The following CCNY variants were observed in gnomAD, a reference collection of about 807,000 sequenced individuals.
The protein encoded by CCNY is cyclin-Y.
A neutral mutation model predicts 42.8 loss-of-function variants in CCNY; 19 were observed. The observed-to-expected ratio is 0.44, with a 90% CI of 0.31 to 0.65. CCNY has a LOEUF of 0.65. Among genes scored for constraint, CCNY ranks in the 30% least tolerant of loss-of-function variants. CCNY has a pLI of 0.07. For missense variants in CCNY, 370 were observed against 437.3 expected (o/e 0.85, Z 1.37); for synonymous variants, 165 against 162.7 (o/e 1.01, Z -0.11).
intron 1 of CCNY, among the ~76,000 whole-genome samples, chr10:35,378,096 G>A (rs1290140716): frequency 1.3e-5 from 2 of 152,210 alleles, no homozygotes; most frequent in Non-Finnish European, 2.9e-5. Context: ...AATCATTTAT[G>A]TTAAAGTTTA....
rs180952611 is a variant in CCNY, at chr10:35,404,929, G to A, written c.154+67722G>A. The stretch of plus-strand genomic sequence containing the variant: ...GATGGGTATCAGGGTCAGTCCAAGT[G>A]AAAGCGAAGAGAGGCTGGTATGAAG... On this transcript the variant is annotated intron_variant, in intron 1 of 9. Transcript: ENST00000374704. 5.4e-4 allele frequency among the ~76,000 whole-genome samples: 82 copies of A among 152,304 alleles called. No individual in the cohort carries two copies. The East Asian group carries it at 0.012, about 22-fold the overall frequency.
intron 3 of CCNY, among the ~76,000 whole-genome samples, chr10:35,264,181 C>T (rs1167424860): frequency 1.3e-5 from 2 of 151,996 alleles, no homozygotes; most frequent in African/African-American, 4.8e-5. Context: ...ATTTATATTC[C>T]TTTGGGTATA....
At chr10:35,402,358 G>T (rs1837662956) in intron 1 of CCNY, among the ~76,000 whole-genome samples, 3 of 152,190 alleles carry the variant, frequency 2.0e-5, no homozygotes, top group Admixed American at 2.0e-4. Context: ...TAAGAATTGG[G>T]AGTACCCAGG....
At chr10:35,559,332 G>A (rs1311336720) in intron 8 of CCNY, among the ~76,000 whole-genome samples, 2 of 152,180 alleles carry the variant, frequency 1.3e-5, no homozygotes, top group Non-Finnish European at 2.9e-5. Flanking sequence ...GGATGTTTTA[G>A]CCAAGGAGAT....
At chr10:35,352,666 G>A (rs1000030286) in intron 1 of CCNY, among the ~76,000 whole-genome samples, 3 of 152,214 alleles carry the variant, frequency 2.0e-5, no homozygotes, top group African/African-American at 7.2e-5. Flanking sequence ...TGCGCTTAAG[G>A]ACATAATGAT....
intron 1 of CCNY, among the ~76,000 whole-genome samples, chr10:35,359,578 C>T (rs879110): frequency 0.29 from 43,708 of 151,614 alleles, 6,581 homozygotes; most frequent in Admixed American, 0.35. Flanking sequence ...TGAGCTGAAG[C>T]GATCTGCGCG....
At chr10:35,393,548 G>A (rs1276467424) in intron 1 of CCNY, among the ~76,000 whole-genome samples, 7 of 152,208 alleles carry the variant, frequency 4.6e-5, no homozygotes, top group Admixed American at 4.6e-4. Flanking sequence ...GAAGGCTGGT[G>A]TTGACCTGAA....
At chr10:35,332,532 A>T (rs1835957540), upstream of CCNY, 1 of 152,186 alleles carries the variant, frequency 6.6e-6, no homozygotes, top group Non-Finnish European at 1.5e-5. Context: ...GTTCCACAGA[A>T]AATTTTGTTT....
intron 1 of CCNY, among the ~76,000 whole-genome samples, chr10:35,376,169 G>A (rs1292270595): frequency 2.0e-5 from 3 of 152,134 alleles, no homozygotes; most frequent in Non-Finnish European, 2.9e-5. Context: ...TTGGTCACAG[G>A]ACACCATGTA....
chr10:35,517,760 A>G (rs1309348420), intron 4 of CCNY, among the ~76,000 whole-genome samples: 2 of 152,214 alleles, frequency 1.3e-5, no homozygotes, highest in African/African-American at 2.4e-5. Flanking sequence ...TAGTGGGCAT[A>G]AACTCACACT....
At chr10:35,304,318 A>T (rs200969992) in intron 3 of CCNY, among the ~76,000 whole-genome samples, 33,120 of 95,540 alleles carry the variant, frequency 0.35, 12,033 homozygotes, top group African/African-American at 0.76. Context: ...TTTATTTTTT[A>T]TTTTTTTTTG....
At chr10:35,469,205 G>A (rs1027759768) in intron 1 of CCNY, among the ~76,000 whole-genome samples, 2 of 152,176 alleles carry the variant, frequency 1.3e-5, no homozygotes, top group South Asian at 2.1e-4. Flanking sequence ...TCTTTGATTC[G>A]GGCCTTAGGC....
chr10:35,422,051 C>T (rs1254337817), intron 1 of CCNY, among the ~76,000 whole-genome samples: 1 of 152,144 alleles, frequency 6.6e-6, no homozygotes, highest in Non-Finnish European at 1.5e-5. Flanking sequence ...GCTCCTGAGC[C>T]TGCACTCTTA....
At chr10:35,247,199 T>A (rs1156600448) in intron 1 of CCNY, 3 of 152,576 alleles carry the variant, frequency 2.0e-5, no homozygotes, top group African/African-American at 7.3e-5. Context: ...GAGTTAGGAG[T>A]CATGTTTGTG....
intron 7 of CCNY, among the ~76,000 whole-genome samples, chr10:35,549,358 G>C (rs1841192844): frequency 6.6e-6 from 1 of 152,156 alleles, no homozygotes; most frequent in Admixed American, 6.5e-5. Context: ...GTGACCCTGT[G>C]CTGCTCATGG....
At position 35,571,563 on chromosome 10, in the gene CCNY, T is replaced by G. The variant is rs1841686122; in HGVS notation, c.*2393T>G. ...TAAAACTCCGCTGTAAGTGTAGATT[T>G]TAGTTTTACTGGCAGGATGAATCAC... is the stretch of plus-strand genomic sequence containing the variant. On this transcript the variant is annotated 3_prime_UTR_variant, in exon 10 of 10. Transcript: ENST00000374704. 1.3e-5 allele frequency: 2 copies of G among 152,380 alleles called. No homozygotes were observed. The highest frequency in any genetic ancestry group is 4.1e-4 in the South Asian group (2 of 4,832). The allele number at this position is 152,380 out of a possible 1,614,324, so 9.4% of individuals were successfully genotyped here.
chr10:35,508,097 A>G (rs903350111), intron 3 of CCNY, among the ~76,000 whole-genome samples: 1 of 152,074 alleles, frequency 6.6e-6, no homozygotes, highest in Non-Finnish European at 1.5e-5. Flanking sequence ...CCACCCCCAG[A>G]TTTAGCATCT....
intron 3 of CCNY, among the ~76,000 whole-genome samples, chr10:35,311,909 TC>T (rs1455250227): frequency 6.6e-6 from 1 of 151,108 alleles, no homozygotes; most frequent in Non-Finnish European, 1.5e-5. Flanking sequence ...TGGCTTGAAC[TC>T]AGGAGTTTGT....
intron 5 of CCNY, among the ~76,000 whole-genome samples, chr10:35,526,464 AT>A (rs1840654509): frequency 6.6e-6 from 1 of 152,200 alleles, no homozygotes; most frequent in Admixed American, 6.5e-5. Flanking sequence ...TAGTTGGTTA[AT>A]TTTAAAAGTC....
Sources: gnomAD v4.1 joint callset for allele counts (sites outside exome capture counted in the v4.1 genomes callset) on GRCh38, gnomAD v4.1.1 for gene constraint, MANE v1.5 for transcripts, NCBI Gene and HGNC (gene_info 2026-07-23, HGNC 2026-07-21) for gene names.